SORCS3: variants seen among roughly 807,000 people sequenced by gnomAD.
The protein encoded by SORCS3 is VPS10 domain-containing receptor SorCS3.
Under a neutral mutation model 146.3 loss-of-function variants are expected in SORCS3, and 57 were observed. That is an observed-to-expected ratio of 0.39 (90% confidence interval 0.31 to 0.49). SORCS3 has a LOEUF of 0.49. Ranked by LOEUF, SORCS3 falls within the 20% of genes least tolerant of loss-of-function variation. SORCS3 has a pLI of 0.92. For missense variants in SORCS3, 1,341 were observed against 1,575.5 expected, an observed-to-expected ratio of 0.85 and a Z score of 2.52; for synonymous variants, 653 against 618.5, an observed-to-expected ratio of 1.06 and a Z score of -0.83.
At chr10:104,755,925 C>T (rs1379842066) in intron 1 of SORCS3, among the ~76,000 whole-genome samples, 2 of 152,110 alleles carry the variant, frequency 1.3e-5, no homozygotes, top group African/African-American at 4.8e-5. Flanking sequence ...TTTAAGTACC[C>T]TTAATTACAC....
At chr10:105,257,211 C>A (rs2056936951) in intron 25 of SORCS3, among the ~76,000 whole-genome samples, 1 of 152,086 alleles carries the variant, frequency 6.6e-6, no homozygotes, top group Non-Finnish European at 1.5e-5. Context: ...GGTTTTCAAA[C>A]CTCAATCAAA....
At position 105,035,899 on chromosome 10, in the gene SORCS3, G is replaced by C. The variant is rs567082696; in HGVS notation, c.955-7156G>C. 5.3e-5 allele frequency among the ~76,000 whole-genome samples: 8 copies of C among 152,290 alleles called. No individual in the cohort carries two copies. The South Asian group carries it at 1.7e-3, about 32-fold the overall frequency. The stretch of plus-strand genomic sequence containing the variant: ...GAAAACCAGGTGTGCATCTACCTAC[G>C]TTGTTCTGCTTTTATAGCCTTTGCT... On this transcript the variant is annotated intron_variant, in intron 4 of 26. Transcript: ENST00000369701.
chr10:104,834,738 G>A (rs61867303), intron 1 of SORCS3, among the ~76,000 whole-genome samples: 5,120 of 151,436 alleles, frequency 0.034, 107 homozygotes, highest in Middle Eastern at 0.078. Flanking sequence ...TCTTAGAGGG[G>A]GCAAAGAGGC....
At chr10:105,108,664 C>A (rs1589636678) in intron 7 of SORCS3, among the ~76,000 whole-genome samples, 2 of 152,146 alleles carry the variant, frequency 1.3e-5, no homozygotes, top group Admixed American at 6.5e-5. Context: ...GATGTGGGAA[C>A]CAATGGATTA....
intron 1 of SORCS3, among the ~76,000 whole-genome samples, chr10:104,650,437 A>T (rs2015544339): frequency 6.6e-6 from 1 of 152,228 alleles, no homozygotes; most frequent in African/African-American, 2.4e-5. Context: ...TGGCAGCAGG[A>T]CAGTTTTCAA....
intron 1 of SORCS3, among the ~76,000 whole-genome samples, chr10:104,822,708 A>G (rs145418008): frequency 1.3e-5 from 2 of 152,266 alleles, no homozygotes; most frequent in East Asian, 3.9e-4. Context: ...ATGGCCCTCA[A>G]TACGCTCTAA....
intron 4 of SORCS3, among the ~76,000 whole-genome samples, chr10:104,978,185 G>A (rs774893946): frequency 6.6e-6 from 1 of 152,164 alleles, no homozygotes; most frequent in African/African-American, 2.4e-5. Context: ...TAGAAGCTAG[G>A]AGCCAGGGCT....
intron 14 of SORCS3, among the ~76,000 whole-genome samples, chr10:105,191,029 C>T (rs35978090): frequency 0.039 from 5,938 of 152,256 alleles, 223 homozygotes; most frequent in Non-Finnish European, 0.048. Flanking sequence ...GATTGGGGCT[C>T]TCATCTGGGC....
chr10:104,940,238 A>ATATATATATATTT lies in SORCS3; in HGVS notation c.795+24307_795+24308insATATATATATTTT, dbSNP rs1435205868. ...TATATATATATATATATATATATAT[A>ATATATATATATTT]TTTTTTTTTTTTTTTTTATTATACT... On this transcript the variant is annotated intron_variant, in intron 3 of 26. Transcript: ENST00000369701. 1.5e-3 allele frequency among the ~76,000 whole-genome samples: 46 copies of ATATATATATATTT among 31,422 alleles called. 1 individual carries two copies. Among genetic ancestry groups the ATATATATATATTT allele is most frequent in the Admixed American group, 3.8e-3 (9 of 2,398 alleles). 20.6% of individuals were successfully genotyped at this position (31,422 alleles called of 152,430 possible).
At chr10:104,827,236 TTTACTTTGCTGAGA>T (rs2017947124) in intron 1 of SORCS3, among the ~76,000 whole-genome samples, 2 of 152,188 alleles carry the variant, frequency 1.3e-5, no homozygotes, top group Admixed American at 1.3e-4. Context: ...CGGTTTTCAA[TTTACTTTGCTGAGA>T]TTCATCAGAG....
At chr10:104,745,779 C>T (rs1381813681) in intron 1 of SORCS3, among the ~76,000 whole-genome samples, 2 of 152,114 alleles carry the variant, frequency 1.3e-5, no homozygotes, top group Non-Finnish European at 2.9e-5. Flanking sequence ...TCACTCTCTG[C>T]TTTTATAAGT....
At chr10:104,643,709 G>GGTGTGT (rs3069967) in intron 1 of SORCS3, among the ~76,000 whole-genome samples, 3,445 of 144,664 alleles carry the variant, frequency 0.024, 63 homozygotes, top group African/African-American at 0.045. Context: ...TGATAATTAG[G>GGTGTGT]GTGTGTGTGT....
Position 105,164,300 on chromosome 10 carries a change from C to T in SORCS3, c.1733-3C>T. The stretch of plus-strand genomic sequence containing the variant: ...AATCTCAAATGATCTGCTTATGTTT[C>T]AGGCAACATTGGCCCGGAGCTCTCA... On this transcript the variant is annotated splice_region_variant and splice_polypyrimidine_tract_variant and intron_variant, in intron 11 of 26. Transcript: ENST00000369701. 1 of 1,612,060 alleles carries T rather than the reference C, an allele frequency of 6.2e-7. No individual in the cohort carries two copies. The highest frequency in any genetic ancestry group is 8.5e-7 in the Non-Finnish European group (1 of 1,178,278).
chr10:104,771,184 G>C (rs2017245331), intron 1 of SORCS3, among the ~76,000 whole-genome samples: 1 of 152,198 alleles, frequency 6.6e-6, no homozygotes, highest in Non-Finnish European at 1.5e-5. Flanking sequence ...TGGAAAGGCA[G>C]ACTCTCAGGC....
intron 1 of SORCS3, among the ~76,000 whole-genome samples, chr10:104,739,747 A>C (rs2016818779): frequency 6.6e-6 from 1 of 152,226 alleles, no homozygotes; most frequent in South Asian, 2.1e-4. Flanking sequence ...TTAGTGGGGC[A>C]AGTGAAATCA....
chr10:104,816,731 G>C (rs1019163521), intron 1 of SORCS3, among the ~76,000 whole-genome samples: 3 of 152,194 alleles, frequency 2.0e-5, no homozygotes, highest in Admixed American at 6.5e-5. Flanking sequence ...CTCTGCTGCT[G>C]TGTGACTGGG....
At chr10:105,027,243 C>T (rs1479163744) in intron 4 of SORCS3, among the ~76,000 whole-genome samples, 2 of 152,242 alleles carry the variant, frequency 1.3e-5, no homozygotes, top group African/African-American at 4.8e-5. Context: ...ATGATAGCTC[C>T]TCAGAGAAGT....
intron 21 of SORCS3, among the ~76,000 whole-genome samples, chr10:105,246,421 T>G (rs888695177): frequency 2.6e-5 from 4 of 152,212 alleles, no homozygotes; most frequent in African/African-American, 4.8e-5. Context: ...TCTTCTTTTT[T>G]TTATGTATTA....
chr10:104,696,033 A>AATATATAATATATATCATATACACATATT, intron 1 of SORCS3, among the ~76,000 whole-genome samples: 1 of 125,710 alleles, frequency 8.0e-6, no homozygotes, highest in East Asian at 2.2e-4. Flanking sequence ...ATACACATAT[A>AATATATAATATATATCATATACACATATT]ATATATAATA....
Sources: allele counts gnomAD v4.1 joint callset (sites outside exome capture counted in the v4.1 genomes callset), GRCh38; gene constraint gnomAD v4.1.1; transcripts MANE v1.5; gene names NCBI Gene and HGNC (gene_info 2026-07-23, HGNC 2026-07-21).